FBXO8: variants seen among roughly 807,000 people sequenced by gnomAD.
The protein encoded by FBXO8 is F-box protein 8, also known as F-box only protein 8.
FBXO8 carries 15 observed loss-of-function variants against 33.4 expected under a neutral mutation model. That is an observed-to-expected ratio of 0.45 (90% CI 0.30 to 0.69). The LOEUF is 0.69. Ranked by LOEUF, FBXO8 falls within the 30% of genes least tolerant of loss-of-function variation. The probability of loss-of-function intolerance (pLI) is 0.08; values close to 1 mark genes in which losing one functional copy is unlikely to be tolerated. For missense variants in FBXO8, 274 were observed against 380.3 expected (o/e 0.72, Z 2.32); for synonymous variants, 132 against 131.5 (o/e 1.00, Z -0.02).
chr4:174,259,468 T>C lies in FBXO8; in HGVS notation c.456+231A>G, dbSNP rs1450544568. Among the ~76,000 whole-genome samples the C allele has an allele frequency of 6.6e-6, 1 of 152,046 alleles. No homozygotes were observed. Among genetic ancestry groups the C allele is most frequent in the Non-Finnish European group, 1.5e-5 (1 of 67,948 alleles). ...AGGTCAGTAGAGGACTGAATATATA[T>C]CATGGATGCTGCTACATAAAGTGAA... On this transcript the variant is annotated intron_variant, in intron 3 of 5. Coordinates refer to ENST00000393674, the MANE Select transcript of FBXO8 (RefSeq NM_012180.3). The surrounding 1 kb of genome is among the most constrained non-coding windows in gnomAD (Gnocchi z 4.3).
chr4:174,247,566 T>C lies in FBXO8; in HGVS notation c.457-6348A>G, dbSNP rs1316438227. Among the ~76,000 whole-genome samples the C allele has an allele frequency of 6.6e-6, 1 of 152,070 alleles. No homozygotes were observed. Reference sequence around the variant, plus strand: ...TAGCTCAATCTAGATTTCTAACTTTTCTTTCAACATGATAACCAATATATT... The same window carrying C: ...TAGCTCAATCTAGATTTCTAACTTTCCTTTCAACATGATAACCAATATATT... On this transcript the variant is annotated intron_variant, in intron 3 of 5. Coordinates refer to ENST00000393674, the MANE Select transcript of FBXO8 (RefSeq NM_012180.3). This position sits in a 1 kb window ranked among gnomAD's most constrained non-coding sequence, Gnocchi z 4.6.
chr4:174,251,464 G>A lies in FBXO8; in HGVS notation c.456+8235C>T, dbSNP rs1736283588. On this transcript the variant is annotated intron_variant, in intron 3 of 5. Transcript: ENST00000393674. This position sits in a 1 kb window ranked among gnomAD's most constrained non-coding sequence, Gnocchi z 4.2. ...ATGTTGGAGTGACTCTGGGAGAAAA[G>A]GGAAAAGGAGGGTGGCTGGGATAGA... Among the ~76,000 whole-genome samples, 1 of 152,162 alleles carries A rather than the reference G, an allele frequency of 6.6e-6. No individual in the cohort carries two copies. Among genetic ancestry groups the A allele is most frequent in the African/African-American group, 2.4e-5 (1 of 41,442 alleles).
rs1331943263 is a variant in FBXO8, at chr4:174,237,137, T to C, written c.*275A>G. Reference sequence around the variant, plus strand: ...CACAAATACACCATCTTTTAGAGTATAATGTCAGTTTATCATTCGTTAACA... The same window carrying C: ...CACAAATACACCATCTTTTAGAGTACAATGTCAGTTTATCATTCGTTAACA... On this transcript the variant is annotated 3_prime_UTR_variant, in exon 6 of 6. Coordinates refer to ENST00000393674, the MANE Select transcript of FBXO8 (RefSeq NM_012180.3). The surrounding 1 kb of genome is among the most constrained non-coding windows in gnomAD (Gnocchi z 4.4). 3.2e-6 allele frequency: 1 copy of C among 310,996 alleles called. No individual in the cohort carries two copies. The highest frequency in any genetic ancestry group is 6.0e-6 in the Non-Finnish European group (1 of 167,276). The allele number at this position is 310,996 out of a possible 1,614,324, so 19.3% of individuals were successfully genotyped here.
At chr4:174,266,360 A>T (rs1447295470) in intron 1 of FBXO8, among the ~76,000 whole-genome samples, 1 of 152,212 alleles carries the variant, frequency 6.6e-6, no homozygotes, top group Non-Finnish European at 1.5e-5. Flanking sequence ...ACTGCTAAAC[A>T]ATACTGAAAA....
intron 3 of FBXO8, among the ~76,000 whole-genome samples, chr4:174,250,276 G>A (rs940343012): frequency 6.6e-6 from 1 of 151,976 alleles, no homozygotes. Flanking sequence ...TTGAATCTAC[G>A]TGTACAAAGC....
chr4:174,249,063 G>A (rs895098671), intron 3 of FBXO8, among the ~76,000 whole-genome samples: 4 of 151,976 alleles, frequency 2.6e-5, no homozygotes, highest in Non-Finnish European at 5.9e-5. Flanking sequence ...ATAATTAAAA[G>A]CCCCTATTAA....
In FBXO8 at chr4:174,283,663, T is replaced by A. The variant is rs773149890; in HGVS notation, c.-262A>T. 49 of 384,884 alleles carry A rather than the reference T, an allele frequency of 1.3e-4. No homozygotes were observed. Among genetic ancestry groups the A allele is most frequent in the Admixed American group, 1.3e-4 (3 of 22,286 alleles). The allele number at this position is 384,884 out of a possible 1,614,324, so 23.8% of individuals were successfully genotyped here. A position where few individuals can be genotyped will look rare whatever the true frequency, so the allele number is the denominator to read the frequency against. On this transcript the variant is annotated 5_prime_UTR_variant, in exon 1 of 6. Transcript: ENST00000393674. This position sits in a 1 kb window ranked among gnomAD's most constrained non-coding sequence, Gnocchi z 6.7. Reference sequence around the variant, plus strand: ...ACTATCCCAATTTTGACGTTTCCTATTGTTGCCGGAAGTGACGTTAGGCTC... The same window carrying A: ...ACTATCCCAATTTTGACGTTTCCTAATGTTGCCGGAAGTGACGTTAGGCTC...
Position 174,262,695 on chromosome 4 carries a change from A to C in FBXO8, c.329+69T>G. On this transcript the variant is annotated intron_variant, in intron 2 of 5. Transcript: ENST00000393674. This position sits in a 1 kb window ranked among gnomAD's most constrained non-coding sequence, Gnocchi z 4.6. ...AAGAAAATATTTTGTAATATACATT[A>C]TAAAAAGAACATTGAAGCATGATTA... 7.4e-7 allele frequency: 1 copy of C among 1,344,412 alleles called. No homozygotes were observed. The highest frequency in any genetic ancestry group is 2.1e-5 in the Admixed American group (1 of 47,576). The allele number at this position is 1,344,412 out of a possible 1,614,324, so 83.3% of individuals were successfully genotyped here.
intron 3 of FBXO8, among the ~76,000 whole-genome samples, chr4:174,246,201 C>T (rs1026676946): frequency 9.9e-5 from 15 of 151,864 alleles, no homozygotes; most frequent in Admixed American, 5.9e-4. Flanking sequence ...ATGGAAAGAG[C>T]ACCATTTTTA....
rs1032934320 is a variant in FBXO8, at chr4:174,241,695, A to G, written c.457-477T>C. 1.3e-5 allele frequency among the ~76,000 whole-genome samples: 2 copies of G among 151,560 alleles called. No homozygotes were observed. The highest frequency in any genetic ancestry group is 4.8e-5 in the African/African-American group (2 of 41,388). ...GAAAGACTAGCAATTTTATTCTGGG[A>G]GAAAAATATTAAATTATTTAACTTA... is the stretch of plus-strand genomic sequence containing the variant. On this transcript the variant is annotated intron_variant, in intron 3 of 5. Coordinates refer to ENST00000393674, the MANE Select transcript of FBXO8 (RefSeq NM_012180.3). This position sits in a 1 kb window ranked among gnomAD's most constrained non-coding sequence, Gnocchi z 4.2.
intron 1 of FBXO8, chr4:174,269,130 G>C (rs1736771781): frequency 1.3e-5 from 2 of 152,072 alleles, no homozygotes; most frequent in Non-Finnish European, 2.9e-5. Flanking sequence ...TTCTTTCTAA[G>C]GAGCTTCGAA....
rs1032608959 is a variant in FBXO8, at chr4:174,272,901, T to C, written c.-8-9801A>G. Among the ~76,000 whole-genome samples, 2 of 152,084 alleles carry C rather than the reference T, an allele frequency of 1.3e-5. No individual in the cohort carries two copies. Among genetic ancestry groups the C allele is most frequent in the African/African-American group, 4.8e-5 (2 of 41,422 alleles). ...GATGTGATGCCCTGAGGACACAACA[T>C]CATTATATAGTATTCCAGCCAAAAA... On this transcript the variant is annotated intron_variant, in intron 1 of 5. Coordinates refer to ENST00000393674, the MANE Select transcript of FBXO8 (RefSeq NM_012180.3). The surrounding 1 kb of genome is among the most constrained non-coding windows in gnomAD (Gnocchi z 4.7).
At position 174,245,836 on chromosome 4, in the gene FBXO8, T is replaced by G. The variant is rs1736146345; in HGVS notation, c.457-4618A>C. ...TGCTGACTATCAAGCCATGTGACAGTGAAAAGTGAAAGACAGCTGATGGTT... is the reference window on the plus strand; with the variant it reads ...TGCTGACTATCAAGCCATGTGACAGGGAAAAGTGAAAGACAGCTGATGGTT... On this transcript the variant is annotated intron_variant, in intron 3 of 5. Transcript: ENST00000393674. The surrounding 1 kb of genome is among the most constrained non-coding windows in gnomAD (Gnocchi z 4.6). 6.6e-6 allele frequency among the ~76,000 whole-genome samples: 1 copy of G among 151,770 alleles called. No individual in the cohort carries two copies. The highest frequency in any genetic ancestry group is 6.6e-5 in the Admixed American group (1 of 15,186).
At chr4:174,273,011 C>T (rs2126446978) in intron 1 of FBXO8, among the ~76,000 whole-genome samples, 1 of 152,088 alleles carries the variant, frequency 6.6e-6, no homozygotes, top group South Asian at 2.1e-4. Context: ...TCAAAAACAC[C>T]AATGCCAGGC....
In FBXO8 at chr4:174,245,292, G is replaced by C. The variant is rs903848299; in HGVS notation, c.457-4074C>G. ...GTAAGTGTTTCAGAGTTCAATGAAA[G>C]GAAAAGTCACTATGGGATAGGACGT... On this transcript the variant is annotated intron_variant, in intron 3 of 5. Transcript: ENST00000393674. This position sits in a 1 kb window ranked among gnomAD's most constrained non-coding sequence, Gnocchi z 4.6. 1.3e-5 allele frequency among the ~76,000 whole-genome samples: 2 copies of C among 151,748 alleles called. No homozygotes were observed. The highest frequency in any genetic ancestry group is 4.8e-5 in the African/African-American group (2 of 41,366).
At chr4:174,248,361 T>C (rs1736206397) in intron 3 of FBXO8, among the ~76,000 whole-genome samples, 1 of 152,096 alleles carries the variant, frequency 6.6e-6, no homozygotes, top group Non-Finnish European at 1.5e-5. Context: ...GATAAAAAGA[T>C]TATAAGAGTA....
In FBXO8 at chr4:174,279,085, C is replaced by T. The variant is rs537841888; in HGVS notation, c.-9+4325G>A. 1.8e-3 allele frequency among the ~76,000 whole-genome samples: 279 copies of T among 151,874 alleles called. 1 individual carries two copies. The highest frequency in any genetic ancestry group is 6.5e-3 in the African/African-American group (270 of 41,476). On this transcript the variant is annotated intron_variant, in intron 1 of 5. Transcript: ENST00000393674. ...AGACAAGAAAAAAAGTAAAAGACAACCAAATTGGAAAGAAAGCAGTAAAAT... is the reference window on the plus strand; with the variant it reads ...AGACAAGAAAAAAAGTAAAAGACAATCAAATTGGAAAGAAAGCAGTAAAAT...
In FBXO8 at chr4:174,261,700, T is replaced by C. The variant is rs1238535658; in HGVS notation, c.329+1064A>G. 6.6e-6 allele frequency among the ~76,000 whole-genome samples: 1 copy of C among 152,030 alleles called. No homozygotes were observed. The highest frequency in any genetic ancestry group is 2.4e-5 in the African/African-American group (1 of 41,444). On this transcript the variant is annotated intron_variant, in intron 2 of 5. Transcript: ENST00000393674. This position sits in a 1 kb window ranked among gnomAD's most constrained non-coding sequence, Gnocchi z 4.1. ...ATGATATTGATGATTTTTATCTATT[T>C]AGAGGTTGAGAAATGACCTATATAA...
rs529570206 is a variant in FBXO8, at chr4:174,277,632, G to A, written c.-9+5778C>T. On this transcript the variant is annotated intron_variant, in intron 1 of 5. Coordinates refer to ENST00000393674, the MANE Select transcript of FBXO8 (RefSeq NM_012180.3). The surrounding 1 kb of genome is among the most constrained non-coding windows in gnomAD (Gnocchi z 4.9). ...TCCATAAAGCTTTTACTGAGCAAAC[G>A]GTGTTAAATCATTGGTATGTAATGA... 3.9e-5 allele frequency among the ~76,000 whole-genome samples: 6 copies of A among 152,150 alleles called. No individual in the cohort carries two copies. The highest frequency in any genetic ancestry group is 2.1e-4 in the South Asian group (1 of 4,818).
Sources: allele counts gnomAD v4.1 joint callset (sites outside exome capture counted in the v4.1 genomes callset), GRCh38; gene constraint gnomAD v4.1.1; non-coding constraint Gnocchi (gnomAD v3.1); transcripts MANE v1.5; gene names NCBI Gene and HGNC (gene_info 2026-07-23, HGNC 2026-07-21).